PDE10A: variants seen among roughly 807,000 people sequenced by gnomAD.
PDE10A encodes the protein phosphodiesterase 10A.
In PDE10A, 39 loss-of-function variants were observed where a neutral mutation model predicts 97.7. That is an observed-to-expected ratio of 0.40 (90% confidence interval 0.31 to 0.52). PDE10A has a LOEUF of 0.52. Among genes scored for constraint, PDE10A ranks in the 20% least tolerant of loss-of-function variants. The probability of loss-of-function intolerance (pLI) is 0.56; values close to 1 mark genes in which losing one functional copy is unlikely to be tolerated. For synonymous variants in PDE10A, 371 were observed against 376.8 expected (o/e 0.98, Z 0.18); for missense variants, 731 against 1,047.8 (o/e 0.70, Z 4.17).
At chr6:165,691,115 C>CCCCA (rs1791273651) in intron 1 of PDE10A, among the ~76,000 whole-genome samples, 1 of 106,598 alleles carries the variant, frequency 9.4e-6, no homozygotes, top group Non-Finnish European at 2.0e-5. Flanking sequence ...CTCCCCCCCC[C>CCCCA]CATCAGTGCC....
At chr6:165,799,677 GTC>G (rs1238386766) in intron 1 of PDE10A, among the ~76,000 whole-genome samples, 1 of 152,142 alleles carries the variant, frequency 6.6e-6, no homozygotes, top group Non-Finnish European at 1.5e-5. Flanking sequence ...AGTAGACACT[GTC>G]TACTTAAACT....
At chr6:165,827,910 G>A (rs1242722589) in intron 1 of PDE10A, among the ~76,000 whole-genome samples, 1 of 151,644 alleles carries the variant, frequency 6.6e-6, no homozygotes, top group African/African-American at 2.4e-5. Flanking sequence ...ACGATGTTTG[G>A]TTTTCCATTC....
At chr6:165,717,010 A>C (rs1792041289) in intron 1 of PDE10A, among the ~76,000 whole-genome samples, 1 of 151,752 alleles carries the variant, frequency 6.6e-6, no homozygotes, top group South Asian at 2.1e-4. Flanking sequence ...CTCTCCCCTC[A>C]TTTTCTGAAA....
chr6:165,332,755 G>C lies in PDE10A; in HGVS notation c.*270C>G, dbSNP rs1180677525. ...TCAGCAATATTAGCCTATTAGAAAA[G>C]GCTGGTTTGCAAGTCAAATGGAGTC... On this transcript the variant is annotated 3_prime_UTR_variant, in exon 22 of 22. Coordinates refer to ENST00000539869, the MANE Select transcript of PDE10A (RefSeq NM_001385079.1). 2.3e-6 allele frequency: 1 copy of C among 439,736 alleles called. No homozygotes were observed. The highest frequency in any genetic ancestry group is 4.0e-6 in the Non-Finnish European group (1 of 246,992). The allele number at this position is 439,736 out of a possible 1,614,324, so 27.2% of individuals were successfully genotyped here. A position where few individuals can be genotyped will look rare whatever the true frequency, so the allele number is the denominator to read the frequency against.
chr6:165,975,904 C>G (rs1230510275), intron 1 of PDE10A, among the ~76,000 whole-genome samples: 1 of 152,204 alleles, frequency 6.6e-6, no homozygotes, highest in Non-Finnish European at 1.5e-5. Context: ...CAGCACCTCT[C>G]TTGGATTTAA....
intron 1 of PDE10A, among the ~76,000 whole-genome samples, chr6:165,644,899 A>G (rs1789314486): frequency 6.6e-6 from 1 of 152,244 alleles, no homozygotes; most frequent in South Asian, 2.1e-4. Context: ...GTTGATCTCC[A>G]GGAAATCTGG....
At chr6:165,950,680 G>A (rs1382050718) in intron 1 of PDE10A, among the ~76,000 whole-genome samples, 1 of 152,180 alleles carries the variant, frequency 6.6e-6, no homozygotes, top group East Asian at 1.9e-4. Flanking sequence ...GCCAGCCCAG[G>A]AGTGGGTACC....
chr6:165,620,551 G>C (rs1788076911), intron 1 of PDE10A, among the ~76,000 whole-genome samples: 1 of 151,642 alleles, frequency 6.6e-6, no homozygotes, highest in Non-Finnish European at 1.5e-5. Flanking sequence ...TGAAGGCTAA[G>C]GGAAGAGAGA....
At chr6:165,669,096 T>C (rs1562674528) in intron 1 of PDE10A, among the ~76,000 whole-genome samples, 1 of 152,220 alleles carries the variant, frequency 6.6e-6, no homozygotes, top group African/African-American at 2.4e-5. Flanking sequence ...GTCTACCCAG[T>C]GTCTGCAAGA....
intron 2 of PDE10A, among the ~76,000 whole-genome samples, chr6:165,507,498 C>A (rs1364429258): frequency 6.6e-6 from 1 of 152,034 alleles, no homozygotes; most frequent in Non-Finnish European, 1.5e-5. Context: ...AAGACAGACA[C>A]CCCAGTATCC....
chr6:165,839,837 C>A (rs2128472715), intron 1 of PDE10A, among the ~76,000 whole-genome samples: 2 of 151,416 alleles, frequency 1.3e-5, no homozygotes, highest in Non-Finnish European at 2.9e-5. Context: ...ATCTCGTCTC[C>A]ATTCTTATCA....
At chr6:165,435,443 T>A in intron 5 of PDE10A, 66 bp from the exon 6 acceptor site, 1 of 1,351,382 alleles carries the variant, frequency 7.4e-7, no homozygotes, top group Non-Finnish European at 1.0e-6. Context: ...AAGACACACG[T>A]GAATCCTAAC....
chr6:165,766,128 A>T (rs983120955), intron 1 of PDE10A, among the ~76,000 whole-genome samples: 7 of 152,086 alleles, frequency 4.6e-5, no homozygotes, highest in Admixed American at 1.3e-4. Flanking sequence ...CCCCTGATCC[A>T]TGAGAATGCT....
At chr6:165,632,253 AT>A (rs1292274186) in intron 1 of PDE10A, among the ~76,000 whole-genome samples, 1 of 151,044 alleles carries the variant, frequency 6.6e-6, no homozygotes, top group African/African-American at 2.4e-5. Flanking sequence ...AGGAAACGGA[AT>A]GAACACCACC....
chr6:165,758,836 T>G (rs967381396), intron 1 of PDE10A, among the ~76,000 whole-genome samples: 3 of 152,244 alleles, frequency 2.0e-5, no homozygotes, highest in African/African-American at 7.2e-5. Flanking sequence ...AGTCTCCACT[T>G]AAATGGCTTA....
chr6:165,663,107 C>A lies in PDE10A; in HGVS notation c.-296G>T, dbSNP rs1377029296. On this transcript the variant is annotated 5_prime_UTR_variant, in exon 1 of 22. Transcript: ENST00000539869. ...CGGGGCTAGGGACGGCGGAGACCCT[C>A]CCTGCAGGCGTGGCGTGGTGTGTGC... Among the ~76,000 whole-genome samples, 2 of 151,730 alleles carry A rather than the reference C, an allele frequency of 1.3e-5. No homozygotes were observed. The highest frequency in any genetic ancestry group is 4.8e-5 in the African/African-American group (2 of 41,356).
rs376171270 is a variant in PDE10A at position 165,455,524 on chromosome 6, T to C, written c.1024-5162A>G. Among the ~76,000 whole-genome samples, 16 of 152,266 alleles carry C rather than the reference T, an allele frequency of 1.1e-4. No homozygotes were observed. In the East Asian group the frequency reaches 2.7e-3, roughly 26 times the overall value. On this transcript the variant is annotated intron_variant, in intron 3 of 21. Transcript: ENST00000539869. Reference sequence around the variant, plus strand: ...ATTACTATGACCAAAAGCGGCAAAATAGAAACCTGCCAAGCAATTCTTAGG... The same window carrying C: ...ATTACTATGACCAAAAGCGGCAAAACAGAAACCTGCCAAGCAATTCTTAGG...
At chr6:165,919,274 G>T (rs1307085796) in intron 1 of PDE10A, among the ~76,000 whole-genome samples, 1 of 152,108 alleles carries the variant, frequency 6.6e-6, no homozygotes, top group Non-Finnish European at 1.5e-5. Context: ...GTCTCTTGGG[G>T]CAGGGCGCTC....
At chr6:165,482,508 C>T (rs997140945) in intron 2 of PDE10A, among the ~76,000 whole-genome samples, 165 bp from the exon 3 acceptor site, 10 of 152,142 alleles carry the variant, frequency 6.6e-5, no homozygotes, top group Non-Finnish European at 1.5e-4. Context: ...TTGAACATAA[C>T]ATATTACGAG....
Sources: gnomAD v4.1 joint callset for allele counts (sites outside exome capture counted in the v4.1 genomes callset) on GRCh38, gnomAD v4.1.1 for gene constraint, MANE v1.5 for transcripts, NCBI Gene and HGNC (gene_info 2026-07-23, HGNC 2026-07-21) for gene names.